The following COL5A2 variants were observed in gnomAD, a reference collection of about 807,000 sequenced individuals.
The protein encoded by COL5A2 is collagen alpha-2(V) chain.
Under a neutral mutation model 208.2 loss-of-function variants are expected in COL5A2, and 23 were observed. The ratio of observed to expected loss-of-function variants is 0.11; its 90% CI spans 0.08 to 0.16. The LOEUF (loss-of-function observed/expected upper bound fraction) is 0.16. Among genes scored for constraint, COL5A2 ranks in the 10% least tolerant of loss-of-function variants. The pLI is 1.00. For synonymous variants in COL5A2, 625 were observed against 628.5 expected (o/e 0.99, Z 0.08); for missense variants, 1,590 against 1,956.4 (o/e 0.81, Z 3.53).
At chr2:189,122,605 A>G (rs1013688611) in intron 1 of COL5A2, among the ~76,000 whole-genome samples, 2 of 152,214 alleles carry the variant, frequency 1.3e-5, no homozygotes, top group Non-Finnish European at 2.9e-5. Flanking sequence ...AATACCTGCA[A>G]CATTCTATTA....
At chr2:189,254,031 A>G in the COL5A2 span, among the ~76,000 whole-genome samples, 1 of 152,242 alleles carries the variant, frequency 6.6e-6, no homozygotes, top group Admixed American at 6.5e-5. Flanking sequence ...CTATTGACCT[A>G]AACTGATTCT....
chr2:189,043,287 A>G lies in COL5A2; in HGVS notation c.3364-29T>C, dbSNP rs201804947. 163 of 1,486,992 alleles carry G rather than the reference A, an allele frequency of 1.1e-4. 1 individual carries two copies. In the East Asian group the frequency reaches 3.7e-3, roughly 34 times the overall value. 92.1% of individuals were successfully genotyped at this position (1,486,992 alleles called of 1,614,324 possible). A position where few individuals can be genotyped will look rare whatever the true frequency, so the allele number is the denominator to read the frequency against. On this transcript the variant is annotated intron_variant, in intron 47 of 53. Coordinates refer to ENST00000374866, the MANE Select transcript of COL5A2 (RefSeq NM_000393.5). ...GAAATAGAGATATGGCATGAAAATT[A>G]CTTGCTACATATTATTGTTGAGACT...
At chr2:189,225,183 C>T (rs1239806908) in exon 1 of COL5A2, among the ~76,000 whole-genome samples, 2 of 151,992 alleles carry the variant, frequency 1.3e-5, no homozygotes, top group African/African-American at 4.8e-5. Flanking sequence ...AGCAGTCTTC[C>T]TAGAGAATCA....
the COL5A2 span, among the ~76,000 whole-genome samples, chr2:189,336,359 C>T: frequency 6.6e-6 from 1 of 152,152 alleles, no homozygotes; most frequent in Non-Finnish European, 1.5e-5. Flanking sequence ...ATGCAGCAAT[C>T]CCACTGCCAG....
the COL5A2 span, among the ~76,000 whole-genome samples, chr2:189,359,226 T>TA: frequency 6.6e-6 from 1 of 152,178 alleles, no homozygotes; most frequent in African/African-American, 2.4e-5. Context: ...ATATGGTCTT[T>TA]ATTTTGTTGA....
intron 1 of COL5A2, among the ~76,000 whole-genome samples, chr2:189,222,941 A>G (rs1183756640): frequency 6.6e-6 from 1 of 152,178 alleles, no homozygotes; most frequent in African/African-American, 2.4e-5. Flanking sequence ...TCTTACGGTG[A>G]GAAATTCTCA....
chr2:189,185,603 T>C (rs867683177), intron 1 of COL5A2, among the ~76,000 whole-genome samples: 2 of 152,188 alleles, frequency 1.3e-5, no homozygotes, highest in East Asian at 1.9e-4. Flanking sequence ...AGCTCAACCA[T>C]TGCCTCCCCT....
At chr2:189,091,949 A>G (rs556668611) in intron 7 of COL5A2, among the ~76,000 whole-genome samples, 2 of 152,262 alleles carry the variant, frequency 1.3e-5, no homozygotes, top group South Asian at 2.1e-4. Flanking sequence ...GAGGATACGG[A>G]GCAGATTTTT....
At chr2:189,360,100 G>A in the COL5A2 span, among the ~76,000 whole-genome samples, 1 of 151,342 alleles carries the variant, frequency 6.6e-6, no homozygotes, top group Admixed American at 6.6e-5. Flanking sequence ...TTTTATGTTT[G>A]GTTTGTTCTT....
chr2:189,428,812 T>A, the COL5A2 span, among the ~76,000 whole-genome samples: 1 of 152,208 alleles, frequency 6.6e-6, no homozygotes, highest in Non-Finnish European at 1.5e-5. Context: ...ATTTTCTTTA[T>A]AAATTATCCA....
At chr2:189,273,085 C>T in the COL5A2 span, among the ~76,000 whole-genome samples, 1 of 151,976 alleles carries the variant, frequency 6.6e-6, no homozygotes, top group Non-Finnish European at 1.5e-5. Context: ...TTTCTGATCC[C>T]TAACAATATA....
At chr2:189,244,264 T>G in the COL5A2 span, among the ~76,000 whole-genome samples, 4 of 152,194 alleles carry the variant, frequency 2.6e-5, no homozygotes, top group African/African-American at 9.7e-5. Context: ...AGGCTGCAGA[T>G]TTTGCAAAAT....
In COL5A2 at chr2:189,057,023, C is replaced by T. The variant is rs781215270; in HGVS notation, c.2341G>A (p.Gly781Ser). ...GTPGPKGDRG[G>S]IGEKGAEGTA... ...CCTTCAGCACCTTTTTCTCCTATGCCACCCTGGGAAAACACACAAAATACA... is the reference window on the plus strand; with the variant it reads ...CCTTCAGCACCTTTTTCTCCTATGCTACCCTGGGAAAACACACAAAATACA... Residue 781 changes from glycine (G) to serine (S), a missense_variant, in exon 35 of 54, where the codon GGC (glycine) becomes AGC (serine). Transcript: ENST00000374866. The T allele has an allele frequency of 1.4e-5, 23 of 1,613,834 alleles. No homozygotes were observed. The highest frequency in any genetic ancestry group is 1.8e-5 in the Non-Finnish European group (21 of 1,179,772).
intron 1 of COL5A2, among the ~76,000 whole-genome samples, chr2:189,191,578 T>C (rs1374743644): frequency 6.6e-6 from 1 of 151,942 alleles, no homozygotes; most frequent in East Asian, 1.9e-4. Flanking sequence ...GAGGCAGAGA[T>C]TGCAGGGAGC....
chr2:189,085,597 A>T, intron 10 of COL5A2, 122 bp downstream of exon 10: 1 of 812,180 alleles, frequency 1.2e-6, no homozygotes, highest in Non-Finnish European at 2.1e-6. Flanking sequence ...AGGACTCCCA[A>T]ACTGGATTGT....
At chr2:189,188,891 T>G (rs78873978) in intron 1 of COL5A2, among the ~76,000 whole-genome samples, 4,000 of 152,290 alleles carry the variant, frequency 0.026, 182 homozygotes, top group African/African-American at 0.092. Context: ...AAGTGATATA[T>G]TTTTTTCATA....
intron 1 of COL5A2, among the ~76,000 whole-genome samples, chr2:189,212,638 C>CAA (rs56171271): frequency 1.1e-4 from 14 of 129,274 alleles, no homozygotes; most frequent in African/African-American, 3.7e-4. Flanking sequence ...GACTCAGTCT[C>CAA]AAAAAAAAAA....
In COL5A2 at chr2:189,063,865, T is replaced by C. The variant is rs1686086865; in HGVS notation, c.1770+115A>G. 7.3e-6 allele frequency: 6 copies of C among 822,988 alleles called. No homozygotes were observed. The Admixed American group carries it at 1.3e-4, about 18-fold the overall frequency. The allele number at this position is 822,988 out of a possible 1,614,324, so 51.0% of individuals were successfully genotyped here. ...ATGCTTCCAGAAGTTGGTACAAATA[T>C]GTCAATATGACCAGCATCCATATAA... is the stretch of plus-strand genomic sequence containing the variant. On this transcript the variant is annotated intron_variant, in intron 26 of 53. Coordinates refer to ENST00000374866, the MANE Select transcript of COL5A2 (RefSeq NM_000393.5).
At chr2:189,168,282 A>T (rs1355804447) in intron 1 of COL5A2, among the ~76,000 whole-genome samples, 1 of 150,812 alleles carries the variant, frequency 6.6e-6, no homozygotes, top group African/African-American at 2.4e-5. Flanking sequence ...CTCTCGCTTA[A>T]CATGGAATGG....
Sources: allele counts gnomAD v4.1 joint callset (sites outside exome capture counted in the v4.1 genomes callset), GRCh38; gene constraint gnomAD v4.1.1; transcripts MANE v1.5; gene names NCBI Gene and HGNC (gene_info 2026-07-23, HGNC 2026-07-21).